The following CNTN5 variants were observed in gnomAD, a reference collection of about 807,000 sequenced individuals.
CNTN5 encodes contactin 5.
A neutral mutation model predicts 129.1 loss-of-function variants in CNTN5; 77 were observed. The ratio of observed to expected loss-of-function variants is 0.60; its 90% confidence interval spans 0.50 to 0.72. The LOEUF (loss-of-function observed/expected upper bound fraction) is 0.72, where lower values mean the gene tolerates loss of function less well. CNTN5 is among the 30% of genes least tolerant of loss of function. The probability of loss-of-function intolerance (pLI) is 0.00; values close to 1 mark genes in which losing one functional copy is unlikely to be tolerated. For missense variants in CNTN5, 1,478 were observed against 1,328.8 expected (o/e 1.11, Z -1.75); for synonymous variants, 509 against 465.6 (o/e 1.09, Z -1.20).
At chr11:99,163,278 CATTTT>C (rs1297946567) in intron 1 of CNTN5, among the ~76,000 whole-genome samples, 5 of 152,088 alleles carry the variant, frequency 3.3e-5, no homozygotes, top group Admixed American at 6.5e-5. Flanking sequence ...TTCTAGAGTA[CATTTT>C]ATTTTATTTA....
At chr11:99,553,283 C>G (rs1948555121) in intron 2 of CNTN5, among the ~76,000 whole-genome samples, 1 of 152,046 alleles carries the variant, frequency 6.6e-6, no homozygotes, top group African/African-American at 2.4e-5. Flanking sequence ...TTAATGTAAA[C>G]TGGTACATTA....
intron 1 of CNTN5, among the ~76,000 whole-genome samples, chr11:99,283,858 T>C (rs1014374816): frequency 6.6e-6 from 1 of 152,100 alleles, no homozygotes; most frequent in Non-Finnish European, 1.5e-5. Context: ...TACTAAGAAA[T>C]CTTATAAAAG....
At chr11:99,489,988 A>T (rs1278001214) in intron 2 of CNTN5, among the ~76,000 whole-genome samples, 1 of 152,210 alleles carries the variant, frequency 6.6e-6, no homozygotes, top group East Asian at 1.9e-4. Context: ...ACATCCATTT[A>T]ACTCTTTTAT....
At chr11:100,110,185 TAAA>T (rs1294435145) in intron 13 of CNTN5, among the ~76,000 whole-genome samples, 6 of 118,480 alleles carry the variant, frequency 5.1e-5, no homozygotes, top group Non-Finnish European at 9.0e-5. Context: ...AGACCCTATC[TAAA>T]AAAAAAAAAA....
intron 6 of CNTN5, among the ~76,000 whole-genome samples, chr11:99,853,739 G>A (rs1405671557): frequency 1.3e-5 from 2 of 151,894 alleles, no homozygotes; most frequent in African/African-American, 4.8e-5. Flanking sequence ...TAAATTGTAG[G>A]CCAACTGCTA....
intron 2 of CNTN5, among the ~76,000 whole-genome samples, chr11:99,530,439 G>A (rs10790773): frequency 0.26 from 38,880 of 152,002 alleles, 5,335 homozygotes; most frequent in Non-Finnish European, 0.31. Flanking sequence ...ACTTATTGAA[G>A]TCCTGCTATG....
At chr11:100,266,134 T>C (rs1390810414) in intron 17 of CNTN5, among the ~76,000 whole-genome samples, 1 of 152,110 alleles carries the variant, frequency 6.6e-6, no homozygotes, top group Non-Finnish European at 1.5e-5. Flanking sequence ...CTCATACTTG[T>C]GGTCTCAGCA....
chr11:100,224,958 C>A, intron 16 of CNTN5, 146 bp downstream of exon 16: 1 of 779,736 alleles, frequency 1.3e-6, no homozygotes, highest in Non-Finnish European at 1.8e-6. Flanking sequence ...TAACCTTTTG[C>A]CTTTGAAAAA....
chr11:99,835,228 G>GAGATTT (rs1174269366), intron 4 of CNTN5, among the ~76,000 whole-genome samples: 5 of 152,196 alleles, frequency 3.3e-5, no homozygotes, highest in African/African-American at 1.2e-4. Flanking sequence ...AGGGTATGAA[G>GAGATTT]AGATTTATTC....
intron 1 of CNTN5, among the ~76,000 whole-genome samples, chr11:99,084,007 T>G (rs1210111280): frequency 4.6e-5 from 7 of 152,204 alleles, no homozygotes; most frequent in African/African-American, 1.7e-4. Flanking sequence ...TGTGTATAAT[T>G]GCTCTATTTT....
chr11:100,165,681 A>G (rs950769258), intron 13 of CNTN5, among the ~76,000 whole-genome samples: 3 of 151,702 alleles, frequency 2.0e-5, no homozygotes, highest in Non-Finnish European at 4.4e-5. Context: ...TACTACTGAG[A>G]GCGGGAGAGT....
At chr11:100,234,792 T>TAAAAAA (rs781363668) in intron 16 of CNTN5, among the ~76,000 whole-genome samples, 84 of 101,854 alleles carry the variant, frequency 8.2e-4, no homozygotes, top group East Asian at 1.0e-3. Flanking sequence ...TCCCAGAATT[T>TAAAAAA]AAAAAAAAAA....
intron 9 of CNTN5, among the ~76,000 whole-genome samples, chr11:100,054,254 C>T (rs1057173340): frequency 2.0e-5 from 3 of 151,644 alleles, no homozygotes; most frequent in Non-Finnish European, 3.0e-5. Flanking sequence ...TAAGAGACTC[C>T]ATTTTCTAAT....
chr11:99,949,548 G>C (rs1050426812), intron 7 of CNTN5, among the ~76,000 whole-genome samples: 1 of 152,108 alleles, frequency 6.6e-6, no homozygotes, highest in African/African-American at 2.4e-5. Context: ...GGTTGAGATC[G>C]TTCCGCTGAC....
At chr11:99,698,547 C>G (rs970926702) in intron 3 of CNTN5, among the ~76,000 whole-genome samples, 3 of 151,472 alleles carry the variant, frequency 2.0e-5, no homozygotes, top group African/African-American at 7.3e-5. Context: ...AGAGGCAATA[C>G]TTTAACACTA....
At chr11:99,785,479 C>A (rs2845944) in intron 3 of CNTN5, among the ~76,000 whole-genome samples, 70 of 152,042 alleles carry the variant, frequency 4.6e-4, no homozygotes, top group African/African-American at 1.6e-3. Flanking sequence ...TTTGCCCATG[C>A]GTATGTCCTG....
chr11:99,848,751 C>A (rs1268413309), intron 6 of CNTN5, among the ~76,000 whole-genome samples: 8 of 151,948 alleles, frequency 5.3e-5, no homozygotes, highest in Non-Finnish European at 8.8e-5. Flanking sequence ...TTGTAAAATA[C>A]CTTTTTAGAT....
intron 8 of CNTN5, among the ~76,000 whole-genome samples, chr11:99,984,513 T>C (rs1938551015): frequency 6.6e-6 from 1 of 152,032 alleles, no homozygotes; most frequent in Admixed American, 6.6e-5. Context: ...TTTTTGTTTT[T>C]GTTTTCATTT....
At chr11:100,276,184 C>A (rs984675885) in intron 18 of CNTN5, among the ~76,000 whole-genome samples, 2 of 152,008 alleles carry the variant, frequency 1.3e-5, no homozygotes, top group Non-Finnish European at 2.9e-5. Context: ...TTTCTGCATG[C>A]CAAAAAACAG....
Sources: allele counts gnomAD v4.1 joint callset (sites outside exome capture counted in the v4.1 genomes callset), GRCh38; gene constraint gnomAD v4.1.1; transcripts MANE v1.5; gene names NCBI Gene and HGNC (gene_info 2026-07-23, HGNC 2026-07-21).